Variants in SNRNP70 observed in about 807,000 individuals in gnomAD.
The protein encoded by SNRNP70 is small nuclear ribonucleoprotein U1 subunit 70.
A neutral mutation model predicts 50.5 loss-of-function variants in SNRNP70; 8 were observed. The ratio of observed to expected loss-of-function variants is 0.16; its 90% CI spans 0.09 to 0.29. SNRNP70 has a LOEUF of 0.29. SNRNP70 is among the 10% of genes least tolerant of loss of function. The pLI, the probability that SNRNP70 is intolerant of heterozygous loss-of-function variation, is 1.00. For missense variants in SNRNP70, 529 were observed against 663.5 expected (o/e 0.80, Z 2.23); for synonymous variants, 320 against 252.9 (o/e 1.27, Z -2.52).
At chr19:49,092,439 C>T (rs917575060) in intron 4 of SNRNP70, among the ~76,000 whole-genome samples, 53 of 146,338 alleles carry the variant, frequency 3.6e-4, no homozygotes, top group African/African-American at 1.2e-3. Context: ...GACGGAGTCA[C>T]GCTCTCTCAA....
At chr19:49,093,851 C>CA (rs991982256) in intron 4 of SNRNP70, among the ~76,000 whole-genome samples, 1 of 150,646 alleles carries the variant, frequency 6.6e-6, no homozygotes, top group Non-Finnish European at 1.5e-5. Context: ...AAAACAAAAA[C>CA]AAAAACAAAA....
chr19:49,102,026 T>TG, intron 7 of SNRNP70: 1 of 509,988 alleles, frequency 2.0e-6, no homozygotes, highest in Non-Finnish European at 3.1e-6. Flanking sequence ...GGCGTCCACA[T>TG]GGGCAGGGAT....
At chr19:49,099,029 G>A (rs1043234495) in intron 6 of SNRNP70, among the ~76,000 whole-genome samples, 1 of 152,216 alleles carries the variant, frequency 6.6e-6, no homozygotes, top group East Asian at 1.9e-4. Context: ...TGTTGCAACA[G>A]TATACGGCCG....
At position 49,108,565 on chromosome 19, in the gene SNRNP70, T is replaced by C; in HGVS notation, c.*122T>C. The C allele has an allele frequency of 8.0e-7, 1 of 1,256,228 alleles. No homozygotes were observed. 77.8% of individuals were successfully genotyped at this position (1,256,228 alleles called of 1,614,324 possible). ...CCAAGGGTAGGTGTCTCATTTGTTC[T>C]GGCCCCTTGGATTTAAAAATAAAAT... On this transcript the variant is annotated 3_prime_UTR_variant, in exon 10 of 10. Coordinates refer to ENST00000598441, the MANE Select transcript of SNRNP70 (RefSeq NM_003089.6).
In SNRNP70 at chr19:49,092,596, A is replaced by G. The variant is rs1163161694; in HGVS notation, c.265+2076A>G. Among the ~76,000 whole-genome samples the G allele has an allele frequency of 1.3e-5, 2 of 151,428 alleles. 1 individual carries two copies. The highest frequency in any genetic ancestry group is 1.3e-4 in the Admixed American group (2 of 15,190). ...GGTAATTTTTGTAATTTTAGTAGAG[A>G]TGGGGTTTCACCATGTTGGCCAGGC... On this transcript the variant is annotated intron_variant, in intron 4 of 9. Coordinates refer to ENST00000598441, the MANE Select transcript of SNRNP70 (RefSeq NM_003089.6).
chr19:49,106,909 GGA>G (rs2040677185), intron 8 of SNRNP70, among the ~76,000 whole-genome samples: 1 of 152,210 alleles, frequency 6.6e-6, no homozygotes, highest in Non-Finnish European at 1.5e-5. Context: ...CAGTCTGGTG[GGA>G]GAGGCAGGTA....
At chr19:49,087,134 C>G (rs1038737516) in intron 2 of SNRNP70, among the ~76,000 whole-genome samples, 1 of 145,028 alleles carries the variant, frequency 6.9e-6, no homozygotes, top group African/African-American at 2.6e-5. Context: ...GAGCCGAGAT[C>G]GCGCCACTGC....
chr19:49,106,889 C>T (rs892175674), intron 8 of SNRNP70, among the ~76,000 whole-genome samples: 11 of 152,190 alleles, frequency 7.2e-5, no homozygotes, highest in Admixed American at 3.3e-4. Flanking sequence ...CCCACGGTTC[C>T]GGTGCCCTGC....
chr19:49,102,025 A>G (rs1179976481), intron 7 of SNRNP70: 8 of 556,868 alleles, frequency 1.4e-5, no homozygotes, highest in East Asian at 1.5e-4. Context: ...CGGCGTCCAC[A>G]TGGGCAGGGA....
At chr19:49,091,533 T>C (rs1435602309) in intron 4 of SNRNP70, among the ~76,000 whole-genome samples, 1 of 151,836 alleles carries the variant, frequency 6.6e-6, no homozygotes, top group East Asian at 1.9e-4. Flanking sequence ...AGCCCAGGAG[T>C]GTTAGGTATG....
intron 5 of SNRNP70, 54 bp downstream of exon 5, chr19:49,098,545 T>C: frequency 6.2e-7 from 1 of 1,601,372 alleles, no homozygotes; most frequent in Non-Finnish European, 8.6e-7. Flanking sequence ...AGCCTGGGTC[T>C]GGCACAAAGG....
chr19:49,099,522 G>A (rs1270489151), intron 6 of SNRNP70, among the ~76,000 whole-genome samples: 1 of 151,658 alleles, frequency 6.6e-6, no homozygotes, highest in Non-Finnish European at 1.5e-5. Context: ...CCTGAGGTCA[G>A]GAGTTCGAGA....
chr19:49,093,571 C>T (rs543075065), intron 4 of SNRNP70, among the ~76,000 whole-genome samples: 47 of 144,586 alleles, frequency 3.3e-4, no homozygotes, highest in Non-Finnish European at 5.9e-4. Context: ...CCCAGCTACT[C>T]GGGAGGCTGA....
chr19:49,087,435 CAT>C (rs1196923157), intron 2 of SNRNP70, among the ~76,000 whole-genome samples: 6 of 152,280 alleles, frequency 3.9e-5, no homozygotes, highest in East Asian at 1.9e-4. Flanking sequence ...GCAGTCAGCA[CAT>C]GTCAGCCTTT....
At chr19:49,096,863 T>A (rs1215573218) in intron 4 of SNRNP70, among the ~76,000 whole-genome samples, 3 of 146,828 alleles carry the variant, frequency 2.0e-5, no homozygotes, top group Admixed American at 1.4e-4. Flanking sequence ...GACGCGGTGG[T>A]TCATGCCTGT....
chr19:49,095,739 G>A (rs1213588879), intron 4 of SNRNP70, among the ~76,000 whole-genome samples: 1 of 151,958 alleles, frequency 6.6e-6, no homozygotes, highest in Non-Finnish European at 1.5e-5. Context: ...GATCAGGCTG[G>A]TCTTCTTGAA....
At chr19:49,088,344 A>G (rs1323803321) in intron 2 of SNRNP70, among the ~76,000 whole-genome samples, 1 of 149,272 alleles carries the variant, frequency 6.7e-6, no homozygotes, top group East Asian at 2.0e-4. Context: ...CTGGGACTAC[A>G]GGTGCCCGCC....
intron 4 of SNRNP70, among the ~76,000 whole-genome samples, chr19:49,094,377 T>C (rs902855849): frequency 2.0e-5 from 3 of 152,036 alleles, no homozygotes; most frequent in Non-Finnish European, 2.9e-5. Context: ...CAGGGGCCTC[T>C]AATTGCAACT....
Position 49,108,220 on chromosome 19 carries a change from G to A in SNRNP70, c.1091G>A (p.Arg364Gln), listed in dbSNP as rs780886986. 10 of 1,534,728 alleles carry A rather than the reference G, an allele frequency of 6.5e-6. No individual in the cohort carries two copies. The highest frequency in any genetic ancestry group is 2.4e-5 in the South Asian group (2 of 81,674). The change falls in exon 10 of 10, where the codon CGG becomes CAG. Residue 364 changes from arginine (R) to glutamine (Q), a missense_variant. Physicochemically the swap from Arg to Gln is conservative, Grantham distance 43 (BLOSUM62 1). Coordinates refer to ENST00000598441, the MANE Select transcript of SNRNP70 (RefSeq NM_003089.6). ...RRRSHRSERE[R>Q]RRDRDRDRDR... ...CGGAGCCACCGGAGCGAGCGCGAGCGGCGCCGGGACCGGGATCGTGACCGT... is the reference window on the plus strand; with the variant it reads ...CGGAGCCACCGGAGCGAGCGCGAGCAGCGCCGGGACCGGGATCGTGACCGT...
Sources: allele counts gnomAD v4.1 joint callset (sites outside exome capture counted in the v4.1 genomes callset), GRCh38; gene constraint gnomAD v4.1.1; transcripts MANE v1.5; gene names NCBI Gene and HGNC (gene_info 2026-07-23, HGNC 2026-07-21).